The following FGB variants were observed in gnomAD, a reference collection of about 807,000 sequenced individuals.
FGB encodes beta-fibrinogen.
Under a neutral mutation model 57.9 loss-of-function variants are expected in FGB, and 25 were observed. The observed-to-expected ratio is 0.43, with a 90% CI of 0.31 to 0.60. The LOEUF is 0.60. Ranked by LOEUF, FGB falls within the 20% of genes least tolerant of loss-of-function variation. The pLI is 0.08. For synonymous variants in FGB, 203 were observed against 199.2 expected, an observed-to-expected ratio of 1.02 and a Z score of -0.16; for missense variants, 536 against 598.4, an observed-to-expected ratio of 0.90 and a Z score of 1.09.
chr4:154,569,081 T>C, intron 5 of FGB, 101 bp from the exon 6 acceptor site: 2 of 1,308,404 alleles, frequency 1.5e-6, no homozygotes, highest in Non-Finnish European at 1.1e-6. Flanking sequence ...GAGCACCAAA[T>C]ATATACTAAA....
chr4:154,568,438 C>A lies in FGB; in HGVS notation c.776C>A (p.Pro259His). 1 of 1,609,724 alleles carries A rather than the reference C, an allele frequency of 6.2e-7. No individual in the cohort carries two copies. Among genetic ancestry groups the A allele is most frequent in the Non-Finnish European group, 8.5e-7 (1 of 1,176,080 alleles). Residue 259 changes from proline to histidine, a missense_variant, in exon 5 of 8, where the codon CCT becomes CAT. Physicochemically the swap from Pro to His is moderately conservative, Grantham distance 77. This residue lies in a region of FGB where 354 missense variants were observed against 383.4 expected (regional missense o/e 0.92). Transcript: ENST00000302068. ...ACATCTGAAATGTATCTCATTCAACCTGACAGTTCTGTCAAACCGTATAGA... is the reference window on the plus strand; with the variant it reads ...ACATCTGAAATGTATCTCATTCAACATGACAGTTCTGTCAAACCGTATAGA... ...GETSEMYLIQ[P>H]DSSVKPYRVY... is the part of the protein sequence containing the mutation.
intron 3 of FGB, among the ~76,000 whole-genome samples, chr4:154,567,376 C>T (rs1424234532): frequency 6.6e-6 from 1 of 152,088 alleles, no homozygotes; most frequent in Non-Finnish European, 1.5e-5. Flanking sequence ...TTAGCGTATA[C>T]CTATGGTAAA....
Position 154,570,858 on chromosome 4 carries a change from C to T in FGB, c.*208C>T. On this transcript the variant is annotated 3_prime_UTR_variant, in exon 8 of 8. Coordinates refer to ENST00000302068, the MANE Select transcript of FGB (RefSeq NM_005141.5). Reference sequence around the variant, plus strand: ...ATTTCTCTTGCTCACCAAGAAGTAACAAAAGTATAGTTTTGACAGAGTTGG... The same window carrying T: ...ATTTCTCTTGCTCACCAAGAAGTAATAAAAGTATAGTTTTGACAGAGTTGG... 1 of 599,288 alleles carries T rather than the reference C, an allele frequency of 1.7e-6. No homozygotes were observed. Among genetic ancestry groups the T allele is most frequent in the Non-Finnish European group, 3.0e-6 (1 of 333,510 alleles). 37.1% of individuals were successfully genotyped at this position (599,288 alleles called of 1,614,324 possible).
At position 154,571,837 on chromosome 4, in the gene FGB, AT is replaced by A. The variant is rs1245756371; in HGVS notation, c.*1192del. Among the ~76,000 whole-genome samples, 1 of 152,070 alleles carries A rather than the reference AT, an allele frequency of 6.6e-6. No homozygotes were observed. Among genetic ancestry groups the A allele is most frequent in the Non-Finnish European group, 1.5e-5 (1 of 68,016 alleles). On this transcript the variant is annotated 3_prime_UTR_variant, in exon 8 of 8. Coordinates refer to ENST00000302068, the MANE Select transcript of FGB (RefSeq NM_005141.5). ...CCCTAATGTATCATCATTGCCACCC[AT>A]TTTTATGGTACTTATTGTTCTTAAG...
chr4:154,568,872 T>C (rs1330246590), intron 5 of FGB, among the ~76,000 whole-genome samples: 3 of 151,058 alleles, frequency 2.0e-5, no homozygotes, highest in Non-Finnish European at 2.9e-5. Flanking sequence ...AAAAAATTAA[T>C]TAAAAAGCCA....
chr4:154,567,413 G>A (rs977277289), intron 3 of FGB, among the ~76,000 whole-genome samples, 180 bp from the exon 4 acceptor site: 2 of 152,130 alleles, frequency 1.3e-5, no homozygotes, highest in African/African-American at 2.4e-5. Context: ...TAGGATTTAT[G>A]TTAATTTGTA....
intron 1 of FGB, chr4:154,565,274 G>T: frequency 4.9e-6 from 2 of 411,430 alleles, no homozygotes; most frequent in Non-Finnish European, 9.9e-6. Context: ...AAGTAGCCGA[G>T]CTCCAGAGTA....
chr4:154,569,395 T>C, intron 6 of FGB, 88 bp downstream of exon 6: 1 of 1,597,926 alleles, frequency 6.3e-7, no homozygotes, highest in Non-Finnish European at 8.6e-7. Flanking sequence ...AAGCCTGTTT[T>C]AGGCAGTTAA....
At chr4:154,569,366 A>G in intron 6 of FGB, 59 bp downstream of exon 6, 1 of 1,608,766 alleles carries the variant, frequency 6.2e-7, no homozygotes, top group Non-Finnish European at 8.5e-7. Flanking sequence ...TTTTTTAATT[A>G]AAAAACATTC....
At position 154,570,601 on chromosome 4, in the gene FGB, C is replaced by CT; in HGVS notation, c.1427_1428insT (p.Met477AsnfsTer21). 1 of 1,613,988 alleles carries CT rather than the reference C, an allele frequency of 6.2e-7. No individual in the cohort carries two copies. The highest frequency in any genetic ancestry group is 8.5e-7 in the Non-Finnish European group (1 of 1,179,986). On this transcript the variant is annotated frameshift_variant, in exon 8 of 8. Coordinates refer to ENST00000302068, the MANE Select transcript of FGB (RefSeq NM_005141.5). LOFTEE classifies it high-confidence loss of function. ...ATGAATTGGAAGGGGTCATGGTACTCAATGAGGAAGATGAGTATGAAGATC... is the reference window on the plus strand; with the variant it reads ...ATGAATTGGAAGGGGTCATGGTACTCTAATGAGGAAGATGAGTATGAAGATC...
intron 1 of FGB, 67 bp from the exon 2 acceptor site, chr4:154,565,741 G>T: frequency 6.9e-7 from 1 of 1,445,404 alleles, no homozygotes. Context: ...AAATGAGGGT[G>T]TTGGAATAGT....
At chr4:154,568,015 A>T (rs72955364) in intron 4 of FGB, among the ~76,000 whole-genome samples, 195 bp downstream of exon 4, 1,892 of 152,328 alleles carry the variant, frequency 0.012, 35 homozygotes, top group African/African-American at 0.043. Flanking sequence ...TTTGATGAGC[A>T]GGATGGGGCA....
Position 154,569,644 on chromosome 4 carries a change from T to C in FGB, c.1089T>C (p.Asn363=), listed in dbSNP as rs1447755949. Residue 363 remains asparagine, a synonymous_variant, in exon 7 of 8, where the codon AAT becomes AAC. Coordinates refer to ENST00000302068, the MANE Select transcript of FGB (RefSeq NM_005141.5). ...KAHYGGFTVQ[N]EANKYQISVN... ...ACTATGGAGGATTCACTGTACAGAA[T>C]GAAGCCAACAAATACCAGATCTCAG... 3 of 1,613,984 alleles carry C rather than the reference T, an allele frequency of 1.9e-6. No individual in the cohort carries two copies. Among genetic ancestry groups the C allele is most frequent in the Non-Finnish European group, 2.5e-6 (3 of 1,180,018 alleles).
intron 1 of FGB, 35 bp from the exon 2 acceptor site, chr4:154,565,771 AAC>A: frequency 6.3e-7 from 1 of 1,592,450 alleles, no homozygotes; most frequent in Non-Finnish European, 8.6e-7. Flanking sequence ...AATCTTCTAT[AAC>A]ACTCTGTATT....
rs1160220350 is a variant in FGB, at chr4:154,572,169, ACCT to A, written c.*1520_*1522del. On this transcript the variant is annotated 3_prime_UTR_variant, in exon 8 of 8. Coordinates refer to ENST00000302068, the MANE Select transcript of FGB (RefSeq NM_005141.5). ...ACCATTTCCTGTTCCCTTCACTATAACCTACATTTTTGTCACATTAAGTTTTTC... is the reference window on the plus strand; with the variant it reads ...ACCATTTCCTGTTCCCTTCACTATAAACATTTTTGTCACATTAAGTTTTTC... Among the ~76,000 whole-genome samples, 1 of 152,096 alleles carries A rather than the reference ACCT, an allele frequency of 6.6e-6. No individual in the cohort carries two copies. The highest frequency in any genetic ancestry group is 2.4e-5 in the African/African-American group (1 of 41,422).
chr4:154,570,519 G>T lies in FGB; in HGVS notation c.1345G>T (p.Gly449Cys). 3 of 1,614,080 alleles carry T rather than the reference G, an allele frequency of 1.9e-6. No individual in the cohort carries two copies. The highest frequency in any genetic ancestry group is 2.5e-6 in the Non-Finnish European group (3 of 1,179,972). Residue 449 changes from glycine to cysteine, a missense_variant, in exon 8 of 8, where the codon GGT (glycine) becomes TGT (cysteine). By Grantham distance (159) the Gly-to-Cys change is radical (BLOSUM62 -3). Coordinates refer to ENST00000302068, the MANE Select transcript of FGB (RefSeq NM_005141.5). ...AANPNGRYYW[G>C]GQYTWDMAKH... is the part of the protein sequence containing the mutation. Reference sequence around the variant, plus strand: ...CAATCCAAACGGCAGATACTACTGGGGTGGACAGTACACCTGGGACATGGC... The same window carrying T: ...CAATCCAAACGGCAGATACTACTGGTGTGGACAGTACACCTGGGACATGGC...
At chr4:154,567,920 C>T in intron 4 of FGB, 100 bp downstream of exon 4, 1 of 904,696 alleles carries the variant, frequency 1.1e-6, no homozygotes, top group Non-Finnish European at 1.8e-6. Flanking sequence ...GTGGATTTTC[C>T]CAACAGATCA....
chr4:154,572,045 C>T lies in FGB; in HGVS notation c.*1395C>T, dbSNP rs956020640. On this transcript the variant is annotated 3_prime_UTR_variant, in exon 8 of 8. Coordinates refer to ENST00000302068, the MANE Select transcript of FGB (RefSeq NM_005141.5). ...CTTTGCCATCACATTTAACAGAAAA[C>T]TCTTATCAACTTACTTCCTGCTTAA... Among the ~76,000 whole-genome samples, 2 of 152,186 alleles carry T rather than the reference C, an allele frequency of 1.3e-5. No homozygotes were observed. Among genetic ancestry groups the T allele is most frequent in the East Asian group, 3.8e-4 (2 of 5,204 alleles).
chr4:154,566,785 A>G (rs1341629536), intron 3 of FGB, 113 bp downstream of exon 3: 3 of 1,044,680 alleles, frequency 2.9e-6, no homozygotes, highest in Non-Finnish European at 4.4e-6. Context: ...AGTGAATAGC[A>G]TTCATACGCT....
Sources: gnomAD v4.1 joint callset for allele counts (sites outside exome capture counted in the v4.1 genomes callset) on GRCh38, gnomAD v4.1.1 for gene constraint, gnomAD v4.1.1 regional missense constraint, MANE v1.5 for transcripts, NCBI Gene and HGNC (gene_info 2026-07-23, HGNC 2026-07-21) for gene names.